MEGF8: variants seen among roughly 807,000 people sequenced by gnomAD.
MEGF8 encodes the protein multiple epidermal growth factor-like domains protein 8.
Under a neutral mutation model 302.9 loss-of-function variants are expected in MEGF8, and 156 were observed. The observed-to-expected ratio is 0.52, with a 90% CI of 0.45 to 0.59. The LOEUF (loss-of-function observed/expected upper bound fraction) is 0.59. Among genes scored for constraint, MEGF8 ranks in the 20% least tolerant of loss-of-function variants. MEGF8 has a pLI of 0.00. For missense variants in MEGF8, 3,345 were observed against 3,964.5 expected (o/e 0.84, Z 4.20); for synonymous variants, 1,621 against 1,660.5 (o/e 0.98, Z 0.58).
In MEGF8 at chr19:42,336,182, C is replaced by T; in HGVS notation, c.1080C>T (p.Ser360=). 4.3e-6 allele frequency: 7 copies of T among 1,610,950 alleles called. No homozygotes were observed. Among genetic ancestry groups the T allele is most frequent in the Non-Finnish European group, 5.9e-6 (7 of 1,179,876 alleles). ...SGGRTPHDLF[S]SGLFRFRLDS... ...GCCGCACCCCGCACGACCTCTTCTC[C>T]TCTGGCCTCTTCCGTTTCCGCCTTG... The change falls in exon 6 of 42, where the codon TCC becomes TCT. Residue 360 remains serine (S), a synonymous_variant. Coordinates refer to ENST00000251268, the MANE Select transcript of MEGF8 (RefSeq NM_001271938.2). The surrounding 1 kb of genome is among the most constrained non-coding windows in gnomAD (Gnocchi z 4.8).
Position 42,336,719 on chromosome 19 carries a change from C to G in MEGF8, c.1245-88C>G. On this transcript the variant is annotated intron_variant, in intron 6 of 41. Coordinates refer to ENST00000251268, the MANE Select transcript of MEGF8 (RefSeq NM_001271938.2). This position sits in a 1 kb window ranked among gnomAD's most constrained non-coding sequence, Gnocchi z 4.8. ...AGAGTCAGTCATGGCCAGTCTCATC[C>G]CTGGGTGATCACATGGCTCCTAAGA... 6.7e-7 allele frequency: 1 copy of G among 1,502,938 alleles called. No individual in the cohort carries two copies. 93.1% of individuals were successfully genotyped at this position (1,502,938 alleles called of 1,614,324 possible). A position where few individuals can be genotyped will look rare whatever the true frequency, so the allele number is the denominator to read the frequency against.
intron 8 of MEGF8, among the ~76,000 whole-genome samples, chr19:42,338,825 A>ATTTTTTT (rs55994617): frequency 6.1e-4 from 29 of 47,156 alleles, no homozygotes; most frequent in Non-Finnish European, 9.9e-4. Context: ...CTTTCTATGT[A>ATTTTTTT]TTTTTTTTTT....
In MEGF8 at chr19:42,369,356, G is replaced by C. The variant is rs540608160; in HGVS notation, c.6642-175G>C. 1.3e-5 allele frequency among the ~76,000 whole-genome samples: 2 copies of C among 152,076 alleles called. No homozygotes were observed. Among genetic ancestry groups the C allele is most frequent in the Admixed American group, 6.5e-5 (1 of 15,272 alleles). On this transcript the variant is annotated intron_variant, in intron 37 of 41. Transcript: ENST00000251268. The surrounding 1 kb of genome is among the most constrained non-coding windows in gnomAD (Gnocchi z 5.7). ...GGGTACCCTCAAAAGAGGAGAGAGGGTTGTGGGCTACACCTGGAGGGGGTG... is the reference window on the plus strand; with the variant it reads ...GGGTACCCTCAAAAGAGGAGAGAGGCTTGTGGGCTACACCTGGAGGGGGTG...
At position 42,357,283 on chromosome 19, in the gene MEGF8, G is replaced by A. The variant is rs1261561696; in HGVS notation, c.4831-121G>A. ...GACCCAGGCTGGTCCGACTGGCCCTGGGGGGGTCATTCCCTCCTTAGTACT... is the reference window on the plus strand; with the variant it reads ...GACCCAGGCTGGTCCGACTGGCCCTAGGGGGGTCATTCCCTCCTTAGTACT... On this transcript the variant is annotated intron_variant, in intron 27 of 41. Coordinates refer to ENST00000251268, the MANE Select transcript of MEGF8 (RefSeq NM_001271938.2). This position sits in a 1 kb window ranked among gnomAD's most constrained non-coding sequence, Gnocchi z 5.2. The A allele has an allele frequency of 1.6e-6, 2 of 1,243,384 alleles. No homozygotes were observed. Among genetic ancestry groups the A allele is most frequent in the African/African-American group, 1.5e-5 (1 of 66,886 alleles). The allele number at this position is 1,243,384 out of a possible 1,614,324, so 77.0% of individuals were successfully genotyped here. A position where few individuals can be genotyped will look rare whatever the true frequency, so the allele number is the denominator to read the frequency against.
Position 42,376,204 on chromosome 19 carries a change from TCTC to T in MEGF8, c.7970_7972del (p.Ser2657del), listed in dbSNP as rs775004286. The T allele has an allele frequency of 1.9e-6, 3 of 1,604,494 alleles. No individual in the cohort carries two copies. The highest frequency in any genetic ancestry group is 3.5e-5 in the Admixed American group (2 of 57,714). On this transcript the variant is annotated inframe_deletion, in exon 42 of 42. Transcript: ENST00000251268. The surrounding 1 kb of genome is among the most constrained non-coding windows in gnomAD (Gnocchi z 8.2). Reference sequence around the variant, plus strand: ...CTGTTTGTCTTCTTCTCCGTCTTCTTCTCCTGCTTCTTCCTCTTCCTCTCACTC... The same window carrying T: ...CTGTTTGTCTTCTTCTCCGTCTTCTTCTGCTTCTTCCTCTTCCTCTCACTC...
chr19:42,331,716 G>A (rs904123160), intron 1 of MEGF8, among the ~76,000 whole-genome samples: 3 of 146,224 alleles, frequency 2.1e-5, no homozygotes, highest in African/African-American at 7.7e-5. Flanking sequence ...TTACAAGCAT[G>A]TGCCACCATA....
chr19:42,344,616 G>A lies in MEGF8; in HGVS notation c.1933+31G>A, dbSNP rs1269118787. 6.4e-7 allele frequency: 1 copy of A among 1,573,120 alleles called. No homozygotes were observed. Among genetic ancestry groups the A allele is most frequent in the African/African-American group, 1.3e-5 (1 of 74,278 alleles). ...TGTCCGCAGCAGTGGGCCGGCAGGAGGGGGCCAGAGCACTCCACACTGACC... is the reference window on the plus strand; with the variant it reads ...TGTCCGCAGCAGTGGGCCGGCAGGAAGGGGCCAGAGCACTCCACACTGACC... On this transcript the variant is annotated intron_variant, in intron 11 of 41. Coordinates refer to ENST00000251268, the MANE Select transcript of MEGF8 (RefSeq NM_001271938.2). The surrounding 1 kb of genome is among the most constrained non-coding windows in gnomAD (Gnocchi z 4.5).
intron 12 of MEGF8, among the ~76,000 whole-genome samples, chr19:42,347,586 G>A (rs890200065): frequency 1.3e-5 from 2 of 151,938 alleles, no homozygotes; most frequent in East Asian, 1.9e-4. Flanking sequence ...TCTGCCTCCC[G>A]GGTTTGAACG....
chr19:42,353,549 A>T lies in MEGF8; in HGVS notation c.3635A>T (p.Gln1212Leu). 6.2e-7 allele frequency: 1 copy of T among 1,605,804 alleles called. No homozygotes were observed. Among genetic ancestry groups the T allele is most frequent in the Non-Finnish European group, 8.5e-7 (1 of 1,176,698 alleles). Reference sequence around the variant, plus strand: ...GGCTCTAGGGGCTGCCGGCCCTGCCAGTGCAACGGGCACGGGGACCCACGC... The same window carrying T: ...GGCTCTAGGGGCTGCCGGCCCTGCCTGTGCAACGGGCACGGGGACCCACGC... ...ATGSRGCRPCQCNGHGDPRRG... is the reference protein window; with the variant it reads ...ATGSRGCRPCLCNGHGDPRRG... Residue 1212 changes from glutamine (Q) to leucine (L), a missense_variant, in exon 21 of 42, where the codon CAG becomes CTG. Gln to Leu is a moderately radical substitution (Grantham distance 113). Coordinates refer to ENST00000251268, the MANE Select transcript of MEGF8 (RefSeq NM_001271938.2). The surrounding 1 kb of genome is among the most constrained non-coding windows in gnomAD (Gnocchi z 6.1).
chr19:42,364,231 C>T (rs1387202091), intron 35 of MEGF8, among the ~76,000 whole-genome samples: 1 of 152,136 alleles, frequency 6.6e-6, no homozygotes, highest in Non-Finnish European at 1.5e-5. Context: ...AACTCCATTC[C>T]AAAGACGCTT....
chr19:42,363,828 G>A (rs1219508893), intron 35 of MEGF8, among the ~76,000 whole-genome samples: 4 of 152,166 alleles, frequency 2.6e-5, no homozygotes, highest in Admixed American at 6.5e-5. Flanking sequence ...CACATGACCC[G>A]TAATCTCAGC....
In MEGF8 at chr19:42,353,033, G is replaced by C. The variant is rs200838638; in HGVS notation, c.3456G>C (p.Pro1152=). 2.6e-6 allele frequency: 4 copies of C among 1,554,842 alleles called. No individual in the cohort carries two copies. The highest frequency in any genetic ancestry group is 3.5e-6 in the Non-Finnish European group (4 of 1,149,396). ...TSDLPPPTPA[P]GPPAPRCSRD... ...ACCTGCCCCCTCCCACACCCGCCCCGGGTCCGCCAGCCCCCCGCTGCTCCC... is the reference window on the plus strand; with the variant it reads ...ACCTGCCCCCTCCCACACCCGCCCCCGGTCCGCCAGCCCCCCGCTGCTCCC... The change falls in exon 20 of 42, where the codon CCG becomes CCC. Residue 1152 remains proline (P), a synonymous_variant. Coordinates refer to ENST00000251268, the MANE Select transcript of MEGF8 (RefSeq NM_001271938.2). The surrounding 1 kb of genome is among the most constrained non-coding windows in gnomAD (Gnocchi z 6.1).
chr19:42,365,564 G>A (rs989715217), intron 35 of MEGF8, among the ~76,000 whole-genome samples: 29 of 147,190 alleles, frequency 2.0e-4, no homozygotes, highest in East Asian at 6.0e-4. Context: ...CCAGGAGTTC[G>A]AGACCTGCCT....
chr19:42,335,042 G>A lies in MEGF8; in HGVS notation c.566G>A (p.Gly189Glu). The change falls in exon 4 of 42, where the codon GGA becomes GAA. Residue 189 changes from glycine (G) to glutamate (E), a missense_variant. By Grantham distance (98) the Gly-to-Glu change is moderately conservative (BLOSUM62 -2). Coordinates refer to ENST00000251268, the MANE Select transcript of MEGF8 (RefSeq NM_001271938.2). ...GSHGTCASPL[G>E]PCRCEPGFLG... The stretch of plus-strand genomic sequence containing the variant: ...ATGTCTCCTTTCCCGCAGCCCCTGG[G>A]ACCATGCCGCTGTGAGCCTGGCTTC... 3 of 1,612,158 alleles carry A rather than the reference G, an allele frequency of 1.9e-6. No individual in the cohort carries two copies. Among genetic ancestry groups the A allele is most frequent in the Non-Finnish European group, 2.5e-6 (3 of 1,179,100 alleles).
chr19:42,369,101 A>G lies in MEGF8; in HGVS notation c.6641+99A>G, dbSNP rs2039648879. On this transcript the variant is annotated intron_variant, in intron 37 of 41. Coordinates refer to ENST00000251268, the MANE Select transcript of MEGF8 (RefSeq NM_001271938.2). This position sits in a 1 kb window ranked among gnomAD's most constrained non-coding sequence, Gnocchi z 5.7. ...CCTAGAGCCAAGCAGGACAGAAGAA[A>G]AGAAAGCTCGAGGCATGAAGGCAGT... 1.4e-6 allele frequency: 2 copies of G among 1,459,274 alleles called. No homozygotes were observed. The highest frequency in any genetic ancestry group is 2.2e-5 in the Admixed American group (1 of 45,202). 90.4% of individuals were successfully genotyped at this position (1,459,274 alleles called of 1,614,324 possible). A position where few individuals can be genotyped will look rare whatever the true frequency, so the allele number is the denominator to read the frequency against.
At position 42,352,281 on chromosome 19, in the gene MEGF8, C is replaced by T. The variant is rs1486044137; in HGVS notation, c.3175C>T (p.Leu1059Phe). 6.4e-7 allele frequency: 1 copy of T among 1,566,868 alleles called. No homozygotes were observed. The highest frequency in any genetic ancestry group is 1.2e-5 in the South Asian group (1 of 85,414). ...CCTGTGGGTGGGGGAGGGCCTGGGGCTTCCCGTGGCCCTCCCTGCCCGCTG... is the reference window on the plus strand; with the variant it reads ...CCTGTGGGTGGGGGAGGGCCTGGGGTTTCCCGTGGCCCTCCCTGCCCGCTG... ...CSLWVGEGLG[L>F]PVALPARWAY... Residue 1059 changes from leucine to phenylalanine, a missense_variant, in exon 19 of 42, where the codon CTT (leucine) becomes TTT (phenylalanine). Leu to Phe is a conservative substitution (Grantham distance 22). Coordinates refer to ENST00000251268, the MANE Select transcript of MEGF8 (RefSeq NM_001271938.2). The surrounding 1 kb of genome is among the most constrained non-coding windows in gnomAD (Gnocchi z 4.4).
chr19:42,328,678 G>A (rs2039017509), intron 1 of MEGF8, among the ~76,000 whole-genome samples: 2 of 152,106 alleles, frequency 1.3e-5, no homozygotes, highest in South Asian at 4.2e-4. Flanking sequence ...GCTCACGCCT[G>A]TAATCCCAGC....
chr19:42,368,451 A>C lies in MEGF8; in HGVS notation c.6274-4A>C. Reference sequence around the variant, plus strand: ...TGCATCCCCATCCCCTCCCCCCCATACAGTGTCTGAGCCCTTCCTACCTGC... The same window carrying C: ...TGCATCCCCATCCCCTCCCCCCCATCCAGTGTCTGAGCCCTTCCTACCTGC... On this transcript the variant is annotated splice_region_variant and splice_polypyrimidine_tract_variant and intron_variant, in intron 35 of 41. Transcript: ENST00000251268. The surrounding 1 kb of genome is among the most constrained non-coding windows in gnomAD (Gnocchi z 4.9). 6.3e-7 allele frequency: 1 copy of C among 1,598,016 alleles called. No individual in the cohort carries two copies. The highest frequency in any genetic ancestry group is 1.1e-5 in the South Asian group (1 of 88,572).
Position 42,335,184 on chromosome 19 carries a change from G to C in MEGF8, c.708G>C (p.Leu236=), listed in dbSNP as rs748344812. ...GTATTGGGGCAGCTGGCGCCTTCCT[G>C]TCCCCACCAGGGCTGCTGGCAGTTT... is the stretch of plus-strand genomic sequence containing the variant. The part of the protein sequence containing the change: ...SARIGAAGAF[L]SPPGLLAVFG... Residue 236 remains leucine, a synonymous_variant, in exon 4 of 42, where the codon CTG becomes CTC. Coordinates refer to ENST00000251268, the MANE Select transcript of MEGF8 (RefSeq NM_001271938.2). The C allele has an allele frequency of 3.1e-6, 5 of 1,613,984 alleles. No homozygotes were observed. The highest frequency in any genetic ancestry group is 4.2e-6 in the Non-Finnish European group (5 of 1,179,886).
Sources: gnomAD v4.1 joint callset for allele counts (sites outside exome capture counted in the v4.1 genomes callset) on GRCh38, gnomAD v4.1.1 for gene constraint, Gnocchi (gnomAD v3.1) non-coding constraint, MANE v1.5 for transcripts, NCBI Gene and HGNC (gene_info 2026-07-23, HGNC 2026-07-21) for gene names.